UVRAG: variants seen among roughly 807,000 people sequenced by gnomAD.
The protein encoded by UVRAG is UV radiation resistance-associated gene protein.
Under a neutral mutation model 78.0 loss-of-function variants are expected in UVRAG, and 19 were observed. The observed-to-expected ratio is 0.24, with a 90% CI of 0.17 to 0.36. The LOEUF (loss-of-function observed/expected upper bound fraction) is 0.36. Ranked by LOEUF, UVRAG falls within the 10% of genes least tolerant of loss-of-function variation. The pLI, the probability that UVRAG is intolerant of heterozygous loss-of-function variation, is 1.00. For synonymous variants in UVRAG, 323 were observed against 324.6 expected (o/e 1.00, Z 0.05); for missense variants, 740 against 853.8 (o/e 0.87, Z 1.66).
At chr11:76,037,727 G>A (rs1339883317) in intron 12 of UVRAG, among the ~76,000 whole-genome samples, 2 of 151,922 alleles carry the variant, frequency 1.3e-5, no homozygotes, top group African/African-American at 4.8e-5. Flanking sequence ...AAGGGGTGGT[G>A]GGGGCGGGTA....
chr11:75,980,027 C>T (rs1435481109), intron 7 of UVRAG: 1 of 152,468 alleles, frequency 6.6e-6, no homozygotes, highest in Non-Finnish European at 1.5e-5. Flanking sequence ...ACCTCCCTGC[C>T]TCTTTTTTCT....
chr11:75,874,969 C>A (rs889440850), intron 3 of UVRAG, among the ~76,000 whole-genome samples: 4 of 152,182 alleles, frequency 2.6e-5, no homozygotes, highest in Non-Finnish European at 5.9e-5. Flanking sequence ...CGGTCTGCTG[C>A]TGTTCCCAAG....
chr11:76,132,368 G>A (rs1263982599), intron 14 of UVRAG, among the ~76,000 whole-genome samples: 1 of 152,072 alleles, frequency 6.6e-6, no homozygotes, highest in Non-Finnish European at 1.5e-5. Flanking sequence ...CCGGGAGCCA[G>A]ACAATCAAGA....
chr11:76,021,235 G>C (rs1248410386), intron 12 of UVRAG, among the ~76,000 whole-genome samples: 3 of 152,174 alleles, frequency 2.0e-5, no homozygotes, highest in African/African-American at 7.2e-5. Flanking sequence ...TGTGTGTGTA[G>C]ATGGTTGTTA....
At chr11:76,001,269 G>A (rs1361623344) in intron 8 of UVRAG, among the ~76,000 whole-genome samples, 7 of 152,046 alleles carry the variant, frequency 4.6e-5, no homozygotes, top group Non-Finnish European at 4.4e-5. Context: ...CAAGAAAATT[G>A]GAAAGTATTT....
At chr11:75,932,777 T>G (rs548268002) in intron 6 of UVRAG, among the ~76,000 whole-genome samples, 1 of 152,184 alleles carries the variant, frequency 6.6e-6, no homozygotes, top group Non-Finnish European at 1.5e-5. Context: ...CAAATAAAGT[T>G]AAATATCTAG....
At chr11:76,010,194 G>C (rs1950025279) in intron 11 of UVRAG, among the ~76,000 whole-genome samples, 1 of 152,092 alleles carries the variant, frequency 6.6e-6, no homozygotes, top group African/African-American at 2.4e-5. Flanking sequence ...TAAACATATT[G>C]AGTACTTTTG....
chr11:75,903,114 T>G (rs1185736101), intron 5 of UVRAG, among the ~76,000 whole-genome samples: 1 of 151,978 alleles, frequency 6.6e-6, no homozygotes, highest in African/African-American at 2.4e-5. Flanking sequence ...CTCCTCTCTC[T>G]TTTTCTGTTT....
chr11:76,047,176 T>C (rs964312551), intron 12 of UVRAG, among the ~76,000 whole-genome samples: 4 of 152,222 alleles, frequency 2.6e-5, no homozygotes, highest in African/African-American at 9.6e-5. Context: ...TGATATCTCA[T>C]AGAAGCACCT....
intron 6 of UVRAG, chr11:75,915,328 A>G (rs1347728914): frequency 6.6e-6 from 1 of 152,210 alleles, no homozygotes; most frequent in Non-Finnish European, 1.5e-5. Flanking sequence ...GACCTTATTC[A>G]GGTGCTTTGA....
chr11:75,906,935 A>G (rs1684407088), intron 5 of UVRAG, among the ~76,000 whole-genome samples: 1 of 152,186 alleles, frequency 6.6e-6, no homozygotes, highest in South Asian at 2.1e-4. Context: ...CTTGGTATTA[A>G]GTTGAAATTG....
At chr11:76,011,739 G>T (rs190488474) in intron 11 of UVRAG, among the ~76,000 whole-genome samples, 19 of 152,338 alleles carry the variant, frequency 1.2e-4, no homozygotes, top group Admixed American at 1.2e-3. Context: ...GAGGGTGTAA[G>T]AGATGGTTAA....
At chr11:76,089,237 G>A (rs1017025142) in intron 13 of UVRAG, among the ~76,000 whole-genome samples, 1 of 152,124 alleles carries the variant, frequency 6.6e-6, no homozygotes, top group Non-Finnish European at 1.5e-5. Flanking sequence ...TATACAGTAA[G>A]CGAACATTTT....
chr11:75,833,333 A>AT (rs1945703604), intron 1 of UVRAG, among the ~76,000 whole-genome samples: 1 of 152,162 alleles, frequency 6.6e-6, no homozygotes, highest in East Asian at 1.9e-4. Flanking sequence ...TGGGCATAAT[A>AT]ATAGCCCATT....
chr11:75,982,163 C>A (rs1287162314), intron 7 of UVRAG, among the ~76,000 whole-genome samples: 1 of 152,000 alleles, frequency 6.6e-6, no homozygotes, highest in African/African-American at 2.4e-5. Context: ...TTATTTAAGC[C>A]CTCTGTTTTA....
intron 12 of UVRAG, among the ~76,000 whole-genome samples, chr11:76,048,051 A>G (rs1950796050): frequency 6.6e-6 from 1 of 152,248 alleles, no homozygotes; most frequent in African/African-American, 2.4e-5. Flanking sequence ...TATTAAAGGC[A>G]GGTGGTTATA....
intron 6 of UVRAG, among the ~76,000 whole-genome samples, chr11:75,954,217 C>G: frequency 6.6e-6 from 1 of 152,066 alleles, no homozygotes; most frequent in East Asian, 1.9e-4. Context: ...AAATGTGACT[C>G]TGTCTGTGTG....
At chr11:76,049,410 A>G (rs1244415646) in intron 12 of UVRAG, among the ~76,000 whole-genome samples, 4 of 152,258 alleles carry the variant, frequency 2.6e-5, no homozygotes, top group African/African-American at 4.8e-5. Flanking sequence ...TAAAATGTAG[A>G]TTTGATGGTT....
intron 6 of UVRAG, among the ~76,000 whole-genome samples, chr11:75,931,337 C>T (rs182917798): frequency 4.6e-4 from 70 of 152,172 alleles, no homozygotes; most frequent in African/African-American, 1.5e-3. Context: ...TACAACTATG[C>T]ACACAGACAC....
Sources: gnomAD v4.1 joint callset for allele counts (sites outside exome capture counted in the v4.1 genomes callset) on GRCh38, gnomAD v4.1.1 for gene constraint, MANE v1.5 for transcripts, NCBI Gene and HGNC (gene_info 2026-07-23, HGNC 2026-07-21) for gene names.